Variants in ABTB3 observed in about 807,000 individuals in gnomAD.
ABTB3 encodes the protein ankyrin repeat and BTB domain containing 3, also known as ankyrin repeat- and BTB/POZ domain-containing protein 3.
chr12:107,385,367 A>C, the ABTB3 span, among the ~76,000 whole-genome samples: 2 of 152,186 alleles, frequency 1.3e-5, no homozygotes, highest in Non-Finnish European at 2.9e-5. Flanking sequence ...AGGCAATGCA[A>C]AGGTGTGTAG....
At chr12:107,341,502 A>C in the ABTB3 span, among the ~76,000 whole-genome samples, 1 of 152,104 alleles carries the variant, frequency 6.6e-6, no homozygotes, top group Non-Finnish European at 1.5e-5. Flanking sequence ...TAAGTGAGGG[A>C]GGGAGTTGAG....
the ABTB3 span, among the ~76,000 whole-genome samples, chr12:107,554,648 A>G: frequency 6.6e-6 from 1 of 152,228 alleles, no homozygotes; most frequent in South Asian, 2.1e-4. Flanking sequence ...CCTCTCAAAC[A>G]TTAATGACTT....
chr12:107,496,648 T>C, the ABTB3 span, among the ~76,000 whole-genome samples: 3 of 152,148 alleles, frequency 2.0e-5, no homozygotes, highest in South Asian at 2.1e-4. Context: ...CGAAGAAGCA[T>C]GGGTTACTGA....
chr12:107,429,476 T>C, the ABTB3 span, among the ~76,000 whole-genome samples: 3 of 152,214 alleles, frequency 2.0e-5, no homozygotes, highest in East Asian at 3.8e-4. Context: ...GAGTCACAGC[T>C]GTCACATTTG....
At chr12:107,520,852 A>T in the ABTB3 span, among the ~76,000 whole-genome samples, 1 of 152,200 alleles carries the variant, frequency 6.6e-6, no homozygotes, top group Non-Finnish European at 1.5e-5. Flanking sequence ...TTCCGCCATA[A>T]ATGCAGGTCA....
chr12:107,519,716 A>G, the ABTB3 span, among the ~76,000 whole-genome samples: 1 of 152,234 alleles, frequency 6.6e-6, no homozygotes, highest in South Asian at 2.1e-4. Flanking sequence ...GTTTGTTAAC[A>G]TAGCTTTGAA....
At chr12:107,449,126 G>A in the ABTB3 span, among the ~76,000 whole-genome samples, 2 of 152,164 alleles carry the variant, frequency 1.3e-5, no homozygotes, top group South Asian at 2.1e-4. Flanking sequence ...CTGGGCCCTT[G>A]GGTTTCCCAC....
At chr12:107,581,103 C>T in the ABTB3 span, 4 of 1,545,920 alleles carry the variant, frequency 2.6e-6, no homozygotes, top group Middle Eastern at 2.0e-4. Flanking sequence ...CAGCCCCTGC[C>T]TCCGGGGAGG....
At chr12:107,658,280 C>G in the ABTB3 span, 1 of 152,242 alleles carries the variant, frequency 6.6e-6, no homozygotes, top group Non-Finnish European at 1.5e-5. Context: ...AAAAGCTTAA[C>G]AGTTCGTTTT....
At chr12:107,509,718 C>T in the ABTB3 span, among the ~76,000 whole-genome samples, 4 of 152,214 alleles carry the variant, frequency 2.6e-5, no homozygotes, top group Non-Finnish European at 4.4e-5. Context: ...GCATGCCTCT[C>T]GCAGAGGAAT....
At chr12:107,462,180 T>C in the ABTB3 span, among the ~76,000 whole-genome samples, 1 of 152,216 alleles carries the variant, frequency 6.6e-6, no homozygotes, top group African/African-American at 2.4e-5. Flanking sequence ...TTGCAGAAAA[T>C]TTAAAGTTTT....
chr12:107,610,423 GAC>G, the ABTB3 span: 1 of 1,573,976 alleles, frequency 6.4e-7, no homozygotes, highest in Non-Finnish European at 8.7e-7. Context: ...GCAAGACAGA[GAC>G]AGCCGGTGAA....
chr12:107,452,961 G>C, the ABTB3 span, among the ~76,000 whole-genome samples: 1 of 152,196 alleles, frequency 6.6e-6, no homozygotes, highest in Non-Finnish European at 1.5e-5. Flanking sequence ...GAATAATGGG[G>C]TGGGGCTGAG....
chr12:107,385,901 C>A, the ABTB3 span, among the ~76,000 whole-genome samples: 2 of 152,160 alleles, frequency 1.3e-5, no homozygotes, highest in Non-Finnish European at 2.9e-5. Context: ...TGAGCCAGGA[C>A]CACAGCAGGC....
the ABTB3 span, among the ~76,000 whole-genome samples, chr12:107,351,643 T>C: frequency 6.6e-6 from 1 of 152,170 alleles, no homozygotes; most frequent in African/African-American, 2.4e-5. Context: ...TGGCCCCTTC[T>C]CTCTCTTGCA....
chr12:107,443,138 G>A, the ABTB3 span, among the ~76,000 whole-genome samples: 1 of 152,096 alleles, frequency 6.6e-6, no homozygotes, highest in Non-Finnish European at 1.5e-5. Flanking sequence ...TTCAACATAG[G>A]AATTTGGGGA....
At chr12:107,489,174 T>G in the ABTB3 span, among the ~76,000 whole-genome samples, 1 of 152,176 alleles carries the variant, frequency 6.6e-6, no homozygotes, top group African/African-American at 2.4e-5. Flanking sequence ...TATGTTATTG[T>G]GGACACAACC....
the ABTB3 span, among the ~76,000 whole-genome samples, chr12:107,594,655 A>C: frequency 4.6e-5 from 7 of 152,090 alleles, no homozygotes; most frequent in African/African-American, 1.2e-4. Flanking sequence ...ATCAACCAGG[A>C]GACTGGAAGC....
the ABTB3 span, among the ~76,000 whole-genome samples, chr12:107,467,826 A>T: frequency 6.6e-6 from 1 of 152,124 alleles, no homozygotes; most frequent in Admixed American, 6.6e-5. Context: ...GTTTACTAAG[A>T]ACTGTTTCCC....
Sources: allele counts gnomAD v4.1 joint callset (sites outside exome capture counted in the v4.1 genomes callset), GRCh38; gene constraint gnomAD v4.1.1; transcripts MANE v1.5; gene names NCBI Gene and HGNC (gene_info 2026-07-23, HGNC 2026-07-21).